The following ERFE variants were observed in gnomAD, a reference collection of about 807,000 sequenced individuals.
ERFE encodes complement C1q tumor necrosis factor-related protein 15.
In ERFE, 25 loss-of-function variants were observed where a neutral mutation model predicts 26.6. That is an observed-to-expected ratio of 0.94 (90% confidence interval 0.69 to 1.31). The LOEUF (loss-of-function observed/expected upper bound fraction) is 1.31, where lower values mean the gene tolerates loss of function less well. Ranked by LOEUF, ERFE falls within the 40% of genes most tolerant of loss-of-function variation. The pLI, the probability that ERFE is intolerant of heterozygous loss-of-function variation, is 0.00. For missense variants in ERFE, 447 were observed against 440.2 expected (o/e 1.02, Z -0.14); for synonymous variants, 206 against 204.5 (o/e 1.01, Z -0.06).
In ERFE at chr2:238,163,909, G is replaced by A; in HGVS notation, c.597G>A (p.Ala199=). The change falls in exon 4 of 8, where the codon GCG becomes GCA. Residue 199 remains alanine (A), a synonymous_variant. Transcript: ENST00000546354. The stretch of plus-strand genomic sequence containing the variant: ...CGCCCCTGGCCCCGGGGCCGCGGGC[G>A]CCGCGCGTGGAGGCCGCTTTCCTCT... The part of the protein sequence containing the change: ...LAAPLAPGPR[A]PRVEAAFLCR... The A allele has an allele frequency of 7.6e-7, 1 of 1,321,080 alleles. No individual in the cohort carries two copies. Among genetic ancestry groups the A allele is most frequent in the Non-Finnish European group, 9.6e-7 (1 of 1,044,826 alleles). The allele number at this position is 1,321,080 out of a possible 1,614,324, so 81.8% of individuals were successfully genotyped here. A position where few individuals can be genotyped will look rare whatever the true frequency, so the allele number is the denominator to read the frequency against.
chr2:238,164,423 G>A, intron 6 of ERFE, 63 bp downstream of exon 6: 1 of 1,488,794 alleles, frequency 6.7e-7, no homozygotes, highest in Non-Finnish European at 9.1e-7. Context: ...GCTGGAGGTG[G>A]TTAAACAGGC....
rs1257605172 is a variant in ERFE, at chr2:238,167,048, CGT to C, written c.1063_1064del (p.Ter355SerfsTer17). The C allele has an allele frequency of 6.5e-7, 1 of 1,550,216 alleles. No individual in the cohort carries two copies. The highest frequency in any genetic ancestry group is 8.7e-7 in the Non-Finnish European group (1 of 1,146,914). On this transcript the variant is annotated frameshift_variant, in exon 8 of 8. Coordinates refer to ENST00000546354, the MANE Select transcript of ERFE (RefSeq NM_001291832.2). LOFTEE classifies it high-confidence loss of function. ...CCCACTTCAGTGCTGTCCTCCTGGG[CGT>C]GTGAGCGGCCACCACAGGCCCTTCC... ...GSHFSAVLLG[V>X]
At position 238,167,420 on chromosome 2, in the gene ERFE, A is replaced by G; in HGVS notation, c.*366A>G. 2 of 523,894 alleles carry G rather than the reference A, an allele frequency of 3.8e-6. No individual in the cohort carries two copies. The highest frequency in any genetic ancestry group is 3.1e-5 in the South Asian group (2 of 65,154). 32.5% of individuals were successfully genotyped at this position (523,894 alleles called of 1,614,324 possible). A position where few individuals can be genotyped will look rare whatever the true frequency, so the allele number is the denominator to read the frequency against. On this transcript the variant is annotated 3_prime_UTR_variant, in exon 8 of 8. Coordinates refer to ENST00000546354, the MANE Select transcript of ERFE (RefSeq NM_001291832.2). Reference sequence around the variant, plus strand: ...TCCTGTGCCCAGCCCCACCTTTTCCACCTCTCTTCATGTTCTCATGGAGTG... The same window carrying G: ...TCCTGTGCCCAGCCCCACCTTTTCCGCCTCTCTTCATGTTCTCATGGAGTG...
rs1217649532 is a variant in ERFE at position 238,167,042 on chromosome 2, C to G, written c.1053C>G (p.Leu351=). The G allele has an allele frequency of 1.9e-6, 3 of 1,550,418 alleles. No homozygotes were observed. The highest frequency in any genetic ancestry group is 2.6e-6 in the Non-Finnish European group (3 of 1,146,956). Residue 351 remains leucine, a synonymous_variant, in exon 8 of 8, where the codon CTC becomes CTG. Transcript: ENST00000546354. The part of the protein sequence containing the change: ...VRSGSHFSAV[L]LGV Reference sequence around the variant, plus strand: ...GTGGCTCCCACTTCAGTGCTGTCCTCCTGGGCGTGTGAGCGGCCACCACAG... The same window carrying G: ...GTGGCTCCCACTTCAGTGCTGTCCTGCTGGGCGTGTGAGCGGCCACCACAG...
At chr2:238,166,306 A>C (rs1389893234) in intron 7 of ERFE, among the ~76,000 whole-genome samples, 2 of 152,250 alleles carry the variant, frequency 1.3e-5, no homozygotes, top group Non-Finnish European at 2.9e-5. Flanking sequence ...AAGTTCACAC[A>C]GCAGAGCCAG....
chr2:238,165,762 T>C (rs1693024814), intron 7 of ERFE, 78 bp downstream of exon 7: 1 of 1,347,952 alleles, frequency 7.4e-7, no homozygotes, highest in Non-Finnish European at 1.0e-6. Flanking sequence ...AGGGTGCTGT[T>C]AGATGCTCAG....
intron 7 of ERFE, 89 bp downstream of exon 7, chr2:238,165,773 G>C (rs532044245): frequency 6.3e-5 from 78 of 1,243,546 alleles, no homozygotes; most frequent in Non-Finnish European, 8.7e-5. Context: ...AGATGCTCAG[G>C]ATCACTGGGT....
In ERFE at chr2:238,168,436, C is replaced by T. The variant is rs1693083863; in HGVS notation, c.*1382C>T. On this transcript the variant is annotated 3_prime_UTR_variant, in exon 8 of 8. Transcript: ENST00000546354. ...AGCTGGTCTGGCAAGGGCGCTCAGG[C>T]CTGGGAGAGAAGGGAGCAATGGCCA... 4.2e-6 allele frequency: 2 copies of T among 470,956 alleles called. No homozygotes were observed. Among genetic ancestry groups the T allele is most frequent in the Non-Finnish European group, 8.8e-6 (2 of 227,006 alleles). 29.2% of individuals were successfully genotyped at this position (470,956 alleles called of 1,614,324 possible). A position where few individuals can be genotyped will look rare whatever the true frequency, so the allele number is the denominator to read the frequency against.
chr2:238,163,751 C>T lies in ERFE; in HGVS notation c.439C>T (p.Arg147Trp), dbSNP rs1354060004. 4 of 1,346,882 alleles carry T rather than the reference C, an allele frequency of 3.0e-6. No homozygotes were observed. The highest frequency in any genetic ancestry group is 3.7e-5 in the Admixed American group (1 of 27,116). The allele number at this position is 1,346,882 out of a possible 1,614,324, so 83.4% of individuals were successfully genotyped here. A position where few individuals can be genotyped will look rare whatever the true frequency, so the allele number is the denominator to read the frequency against. ...QLLLKGAVRQ[R>W]ERAEPEPCTC... ...CTCTGTGCCAGGTGCGGTGCGGCAGCGGGAGCGCGCGGAGCCCGAACCCTG... is the reference window on the plus strand; with the variant it reads ...CTCTGTGCCAGGTGCGGTGCGGCAGTGGGAGCGCGCGGAGCCCGAACCCTG... Residue 147 changes from arginine to tryptophan, a missense_variant, in exon 4 of 8, where the codon CGG (arginine) becomes TGG (tryptophan). By Grantham distance (101) the Arg-to-Trp change is moderately radical (BLOSUM62 -3). Transcript: ENST00000546354.
At chr2:238,162,968 G>T (rs1003001765) in intron 3 of ERFE, 130 bp downstream of exon 3, 3 of 684,122 alleles carry the variant, frequency 4.4e-6, no homozygotes, top group Non-Finnish European at 7.5e-6. Flanking sequence ...CTCTGGGCTG[G>T]ACTCAAGGAC....
chr2:238,160,074 C>T (rs1466218949), intron 1 of ERFE, among the ~76,000 whole-genome samples: 2 of 152,210 alleles, frequency 1.3e-5, no homozygotes, highest in East Asian at 3.9e-4. Flanking sequence ...GTTGGCCAAA[C>T]CACCCAGGTG....
chr2:238,164,865 C>A (rs11679528), intron 6 of ERFE: 27,032 of 157,486 alleles, frequency 0.17, 2,621 homozygotes, highest in East Asian at 0.36. Context: ...AAACAAACAA[C>A]AACAACAAAA....
At position 238,167,458 on chromosome 2, in the gene ERFE, G is replaced by A; in HGVS notation, c.*404G>A. Reference sequence around the variant, plus strand: ...TTCTCATGGAGTGCAAAGTGCACCAGCCAGGGCCCCTACCTGGGAGAGGGT... The same window carrying A: ...TTCTCATGGAGTGCAAAGTGCACCAACCAGGGCCCCTACCTGGGAGAGGGT... On this transcript the variant is annotated 3_prime_UTR_variant, in exon 8 of 8. Coordinates refer to ENST00000546354, the MANE Select transcript of ERFE (RefSeq NM_001291832.2). 2.1e-6 allele frequency: 1 copy of A among 478,046 alleles called. No homozygotes were observed. Among genetic ancestry groups the A allele is most frequent in the Non-Finnish European group, 4.1e-6 (1 of 241,438 alleles). 29.6% of individuals were successfully genotyped at this position (478,046 alleles called of 1,614,324 possible).
In ERFE at chr2:238,167,233, G is replaced by A. The variant is rs780826216; in HGVS notation, c.*179G>A. On this transcript the variant is annotated 3_prime_UTR_variant, in exon 8 of 8. Transcript: ENST00000546354. ...GCAGGCAGGCCTACGGACGTGACAC[G>A]CACGCTGGTGGTCCCGGAGCCAGGG... The A allele has an allele frequency of 5.7e-5, 42 of 730,516 alleles. No individual in the cohort carries two copies. The highest frequency in any genetic ancestry group is 1.1e-4 in the East Asian group (4 of 37,328). 45.3% of individuals were successfully genotyped at this position (730,516 alleles called of 1,614,324 possible). A position where few individuals can be genotyped will look rare whatever the true frequency, so the allele number is the denominator to read the frequency against.
intron 2 of ERFE, 62 bp downstream of exon 2, chr2:238,161,778 A>C: frequency 1.4e-6 from 2 of 1,480,240 alleles, no homozygotes; most frequent in Non-Finnish European, 9.1e-7. Context: ...CTCCTCATCC[A>C]CTCCCACTCC....
chr2:238,159,880 C>A (rs1692911885), intron 1 of ERFE, among the ~76,000 whole-genome samples: 1 of 152,200 alleles, frequency 6.6e-6, no homozygotes, highest in Non-Finnish European at 1.5e-5. Context: ...CCCAGGGAAG[C>A]CGGGGTGGGC....
rs1433632010 is a variant in ERFE at position 238,164,303 on chromosome 2, G to A, written c.830G>A (p.Arg277His). 2.6e-6 allele frequency: 4 copies of A among 1,517,516 alleles called. No homozygotes were observed. Among genetic ancestry groups the A allele is most frequent in the Middle Eastern group, 2.0e-4 (1 of 4,952 alleles). The allele number at this position is 1,517,516 out of a possible 1,614,324, so 94.0% of individuals were successfully genotyped here. The part of the protein sequence containing the change: ...LGEPPRRGPP[R>H]PRDHLRLLIC... ...GAGCCGCCGAGGAGGGGGCCGCCGCGCCCCCGGGACCACCTGCGCCTGCTC... is the reference window on the plus strand; with the variant it reads ...GAGCCGCCGAGGAGGGGGCCGCCGCACCCCCGGGACCACCTGCGCCTGCTC... The change falls in exon 6 of 8, where the codon CGC (arginine) becomes CAC (histidine). Residue 277 changes from arginine (R) to histidine (H), a missense_variant. By Grantham distance (29) the Arg-to-His change is conservative. Coordinates refer to ENST00000546354, the MANE Select transcript of ERFE (RefSeq NM_001291832.2).
At chr2:238,165,098 C>G (rs971078230) in intron 6 of ERFE, among the ~76,000 whole-genome samples, 1 of 152,200 alleles carries the variant, frequency 6.6e-6, no homozygotes, top group Admixed American at 6.5e-5. Context: ...TCCCCATGAT[C>G]GCATCCCTTG....
At chr2:238,160,515 A>C (rs1364803462) in intron 1 of ERFE, among the ~76,000 whole-genome samples, 1 of 151,932 alleles carries the variant, frequency 6.6e-6, no homozygotes, top group African/African-American at 2.4e-5. Context: ...GGTGCAGTTG[A>C]CCCTCTAAGG....
Sources: allele counts gnomAD v4.1 joint callset (sites outside exome capture counted in the v4.1 genomes callset), GRCh38; gene constraint gnomAD v4.1.1; transcripts MANE v1.5; gene names NCBI Gene and HGNC (gene_info 2026-07-23, HGNC 2026-07-21).